Variants in PTPRT observed in about 807,000 individuals in gnomAD.
The protein encoded by PTPRT is protein tyrosine phosphatase receptor type T.
A neutral mutation model predicts 176.8 loss-of-function variants in PTPRT; 56 were observed. The observed-to-expected ratio is 0.32, with a 90% CI of 0.26 to 0.40. PTPRT has a LOEUF of 0.40. Among genes scored for constraint, PTPRT ranks in the 10% least tolerant of loss-of-function variants. PTPRT has a pLI of 1.00. For missense variants in PTPRT, 1,540 were observed against 1,908.2 expected (o/e 0.81, Z 3.60); for synonymous variants, 783 against 739.0 (o/e 1.06, Z -0.96).
intron 1 of PTPRT, among the ~76,000 whole-genome samples, chr20:42,983,273 C>T (rs750634233): frequency 6.6e-6 from 1 of 152,200 alleles, no homozygotes; most frequent in African/African-American, 2.4e-5. Context: ...TGCTAAAATG[C>T]CCTACAACTC....
intron 4 of PTPRT, among the ~76,000 whole-genome samples, chr20:42,779,848 T>G (rs2077189405): frequency 1.1e-5 from 1 of 94,914 alleles, no homozygotes; most frequent in South Asian, 3.3e-4. Context: ...GGTGGTGGTG[T>G]GTTTTTTTTT....
chr20:42,310,468 A>C (rs751056803), intron 12 of PTPRT, among the ~76,000 whole-genome samples: 2 of 152,228 alleles, frequency 1.3e-5, no homozygotes, highest in Non-Finnish European at 2.9e-5. Context: ...AAGTGGCTAC[A>C]AGGGGAGAGT....
intron 7 of PTPRT, among the ~76,000 whole-genome samples, chr20:42,592,390 T>C (rs981946036): frequency 1.3e-5 from 2 of 152,156 alleles, no homozygotes; most frequent in African/African-American, 4.8e-5. Context: ...GTACATTGCA[T>C]AGATGAACAG....
intron 27 of PTPRT, among the ~76,000 whole-genome samples, chr20:42,086,717 A>C (rs1983949296): frequency 1.2e-5 from 1 of 80,298 alleles, no homozygotes; most frequent in African/African-American, 5.1e-5. Flanking sequence ...ACACAGCGAG[A>C]CTCCATCTCA....
Position 42,853,189 on chromosome 20 carries a change from T to C in PTPRT, c.214+32618A>G, listed in dbSNP as rs554832314. ...TTTTGGTCTCATTCAGGAATCACCA[T>C]CTTAATCAAGAAAACTAAGCAGAAG... On this transcript the variant is annotated intron_variant, in intron 2 of 30. Transcript: ENST00000373187. Among the ~76,000 whole-genome samples, 14 of 152,296 alleles carry C rather than the reference T, an allele frequency of 9.2e-5. No individual in the cohort carries two copies. In the East Asian group the frequency reaches 1.7e-3, roughly 19 times the overall value.
chr20:42,661,922 T>C (rs2075229887), intron 7 of PTPRT, among the ~76,000 whole-genome samples: 1 of 152,212 alleles, frequency 6.6e-6, no homozygotes, highest in African/African-American at 2.4e-5. Flanking sequence ...CGTTCCAGAA[T>C]GGCCAGCAAT....
intron 6 of PTPRT, among the ~76,000 whole-genome samples, chr20:42,678,929 G>T (rs2075555376): frequency 6.6e-6 from 1 of 152,186 alleles, no homozygotes. Flanking sequence ...AGTGATATGA[G>T]CCTAAGTAGA....
At chr20:42,555,534 G>GTCCTA (rs2072845955) in intron 7 of PTPRT, among the ~76,000 whole-genome samples, 1 of 152,156 alleles carries the variant, frequency 6.6e-6, no homozygotes, top group African/African-American at 2.4e-5. Context: ...GGGAAGTTGT[G>GTCCTA]CTAGGATGTG....
intron 1 of PTPRT, among the ~76,000 whole-genome samples, chr20:42,941,625 T>C (rs532081117): frequency 6.6e-6 from 1 of 152,314 alleles, no homozygotes; most frequent in African/African-American, 2.4e-5. Context: ...TACATGTTTG[T>C]ACCCTCCCGT....
chr20:42,218,106 C>A (rs201287739), intron 15 of PTPRT, among the ~76,000 whole-genome samples: 1 of 152,080 alleles, frequency 6.6e-6, no homozygotes, highest in Non-Finnish European at 1.5e-5. Context: ...GTTAAAGCCT[C>A]GTAAATGTCT....
intron 7 of PTPRT, among the ~76,000 whole-genome samples, chr20:42,580,775 A>G (rs1420700220): frequency 1.3e-5 from 2 of 152,186 alleles, no homozygotes; most frequent in African/African-American, 4.8e-5. Context: ...ACTTTGCTGA[A>G]GTTGCTTATC....
At chr20:43,100,085 G>A (rs973359930) in intron 1 of PTPRT, among the ~76,000 whole-genome samples, 1 of 152,160 alleles carries the variant, frequency 6.6e-6, no homozygotes, top group East Asian at 1.9e-4. Context: ...CAAGAATATA[G>A]ACACAATGTG....
chr20:42,550,202 G>T (rs1230358617), intron 7 of PTPRT, among the ~76,000 whole-genome samples: 2 of 152,078 alleles, frequency 1.3e-5, no homozygotes, highest in African/African-American at 4.8e-5. Flanking sequence ...TTGCCATAGG[G>T]GTACGTATGT....
chr20:42,548,715 G>A (rs527265851), intron 7 of PTPRT, among the ~76,000 whole-genome samples: 3 of 152,112 alleles, frequency 2.0e-5, no homozygotes, highest in East Asian at 1.9e-4. Context: ...GTCTTAAATC[G>A]ACAACCAAAT....
At chr20:42,273,762 A>G (rs2056980461) in intron 13 of PTPRT, among the ~76,000 whole-genome samples, 2 of 152,266 alleles carry the variant, frequency 1.3e-5, no homozygotes, top group South Asian at 4.1e-4. Context: ...AAAATTACAT[A>G]CATTTCTAAA....
chr20:42,169,145 T>C (rs779757629), intron 16 of PTPRT, among the ~76,000 whole-genome samples: 1 of 152,216 alleles, frequency 6.6e-6, no homozygotes, highest in Non-Finnish European at 1.5e-5. Context: ...ATCAACCATA[T>C]AGCAGGGTTG....
At chr20:43,062,687 G>A (rs1034592770) in intron 1 of PTPRT, among the ~76,000 whole-genome samples, 12 of 152,142 alleles carry the variant, frequency 7.9e-5, no homozygotes, top group Non-Finnish European at 1.3e-4. Context: ...TATGAATATG[G>A]GCCATGAAAT....
intron 7 of PTPRT, among the ~76,000 whole-genome samples, chr20:42,574,398 A>G (rs923573122): frequency 3.9e-5 from 6 of 152,188 alleles, no homozygotes; most frequent in Non-Finnish European, 7.3e-5. Flanking sequence ...GATGCCACTT[A>G]ATAACTTTGG....
At chr20:42,037,483 C>T in the PTPRT span, among the ~76,000 whole-genome samples, 1 of 152,220 alleles carries the variant, frequency 6.6e-6, no homozygotes, top group Non-Finnish European at 1.5e-5. Flanking sequence ...AAACTATGGT[C>T]TGACCACACT....
Sources: allele counts gnomAD v4.1 joint callset (sites outside exome capture counted in the v4.1 genomes callset), GRCh38; gene constraint gnomAD v4.1.1; transcripts MANE v1.5; gene names NCBI Gene and HGNC (gene_info 2026-07-23, HGNC 2026-07-21).